Variants in SV2B observed in about 807,000 individuals in gnomAD.
SV2B encodes synaptic vesicle glycoprotein 2B.
In SV2B, 41 loss-of-function variants were observed where a neutral mutation model predicts 73.9. The ratio of observed to expected loss-of-function variants is 0.56; its 90% confidence interval spans 0.43 to 0.72. The LOEUF (loss-of-function observed/expected upper bound fraction) is 0.72, where lower values mean the gene tolerates loss of function less well. Ranked by LOEUF, SV2B falls within the 30% of genes least tolerant of loss-of-function variation. The pLI, the probability that SV2B is intolerant of heterozygous loss-of-function variation, is 0.00. For missense variants in SV2B, 764 were observed against 857.8 expected (o/e 0.89, Z 1.37); for synonymous variants, 314 against 314.2 (o/e 1.00, Z 0.01).
At chr15:91,287,924 G>A (rs563415155) in intron 11 of SV2B, among the ~76,000 whole-genome samples, 1 of 152,344 alleles carries the variant, frequency 6.6e-6, no homozygotes, top group East Asian at 1.9e-4. Context: ...GAGCCGTGGA[G>A]CAAGAGCTAC....
chr15:91,185,770 T>C (rs2044745945), intron 1 of SV2B, among the ~76,000 whole-genome samples: 2 of 152,192 alleles, frequency 1.3e-5, no homozygotes, highest in African/African-American at 4.8e-5. Flanking sequence ...GCAAGGCAGA[T>C]TGTGTGATCT....
intron 1 of SV2B, among the ~76,000 whole-genome samples, chr15:91,169,539 GT>G (rs2044045145): frequency 6.7e-6 from 1 of 149,452 alleles, no homozygotes; most frequent in Non-Finnish European, 1.5e-5. Flanking sequence ...GAAAACACCA[GT>G]TTTGCTATTC....
intron 12 of SV2B, among the ~76,000 whole-genome samples, chr15:91,291,617 T>A (rs544327994): frequency 6.6e-6 from 1 of 152,328 alleles, no homozygotes; most frequent in African/African-American, 2.4e-5. Context: ...CTCAGGTAAC[T>A]GTGGTCTTAA....
At position 91,139,519 on chromosome 15, in the gene SV2B, G is replaced by T. The variant is rs1157142164; in HGVS notation, c.-392+39156G>T. ...CCCAGAACAGAAAAGCAGGGTGAGG[G>T]CAAACACCGCTATCAATGCTGTAGT... On this transcript the variant is annotated intron_variant, in intron 1 of 12. Transcript: ENST00000394232. The surrounding 1 kb of genome is among the most constrained non-coding windows in gnomAD (Gnocchi z 5.2). Among the ~76,000 whole-genome samples, 1 of 152,112 alleles carries T rather than the reference G, an allele frequency of 6.6e-6. No homozygotes were observed. The highest frequency in any genetic ancestry group is 1.5e-5 in the Non-Finnish European group (1 of 68,030).
intron 10 of SV2B, among the ~76,000 whole-genome samples, chr15:91,282,120 C>T (rs1283676168): frequency 1.3e-5 from 2 of 152,246 alleles, no homozygotes; most frequent in Non-Finnish European, 2.9e-5. Flanking sequence ...CAAATGTCCT[C>T]ATGTCAGTGA....
In SV2B at chr15:91,132,614, A is replaced by G. The variant is rs1303135527; in HGVS notation, c.-392+32251A>G. ...TGGTCCTTTTGTTACTTAGGAGTGG[A>G]AAGTTAGGGTTTTCCTTTTGATTTA... is the stretch of plus-strand genomic sequence containing the variant. On this transcript the variant is annotated intron_variant, in intron 1 of 12. Transcript: ENST00000394232. This position sits in a 1 kb window ranked among gnomAD's most constrained non-coding sequence, Gnocchi z 4.6. Among the ~76,000 whole-genome samples, 2 of 152,184 alleles carry G rather than the reference A, an allele frequency of 1.3e-5. No individual in the cohort carries two copies. Among genetic ancestry groups the G allele is most frequent in the African/African-American group, 4.8e-5 (2 of 41,440 alleles).
In SV2B at chr15:91,240,203, A is replaced by G. The variant is rs962909462; in HGVS notation, c.452-11616A>G. Among the ~76,000 whole-genome samples the G allele has an allele frequency of 2.6e-5, 4 of 152,228 alleles. No individual in the cohort carries two copies. Among genetic ancestry groups the G allele is most frequent in the Non-Finnish European group, 5.9e-5 (4 of 68,044 alleles). On this transcript the variant is annotated intron_variant, in intron 2 of 12. Transcript: ENST00000394232. The surrounding 1 kb of genome is among the most constrained non-coding windows in gnomAD (Gnocchi z 4.6). The stretch of plus-strand genomic sequence containing the variant: ...CTGTTTGACTTCATATCTTGGCTAC[A>G]TCACTAACCCTATCATCTTACACAA...
chr15:91,140,964 C>G lies in SV2B; in HGVS notation c.-392+40601C>G, dbSNP rs1005247769. Among the ~76,000 whole-genome samples, 7 of 151,990 alleles carry G rather than the reference C, an allele frequency of 4.6e-5. No homozygotes were observed. Among genetic ancestry groups the G allele is most frequent in the African/African-American group, 1.7e-4 (7 of 41,380 alleles). On this transcript the variant is annotated intron_variant, in intron 1 of 12. Transcript: ENST00000394232. This position sits in a 1 kb window ranked among gnomAD's most constrained non-coding sequence, Gnocchi z 4.4. ...ATGAACATATGTTAACACTAAGATT[C>G]TCCACACTTCCTCCAACTTCTTTTA...
intron 1 of SV2B, among the ~76,000 whole-genome samples, chr15:91,215,830 A>G (rs190770503): frequency 1.3e-5 from 2 of 152,320 alleles, no homozygotes; most frequent in East Asian, 3.9e-4. Context: ...GTTTTGATAA[A>G]CATACTTCTC....
chr15:91,099,950 A>G (rs2151708194), upstream of SV2B: 1 of 152,440 alleles, frequency 6.6e-6, no homozygotes, highest in East Asian at 1.9e-4. Flanking sequence ...AAGAAGTTTA[A>G]TATTTATTGG....
chr15:91,187,607 T>C (rs1251780655), intron 1 of SV2B, among the ~76,000 whole-genome samples: 1 of 152,228 alleles, frequency 6.6e-6, no homozygotes, highest in African/African-American at 2.4e-5. Flanking sequence ...CAAGTGCTAC[T>C]TGATGCCTTA....
At chr15:91,120,487 C>T (rs918609462) in intron 1 of SV2B, among the ~76,000 whole-genome samples, 1 of 152,122 alleles carries the variant, frequency 6.6e-6, no homozygotes, top group Non-Finnish European at 1.5e-5. Context: ...AACCATATTA[C>T]TTTGTCTCTT....
Position 91,189,323 on chromosome 15 carries a change from C to A in SV2B, c.-391-36550C>A, listed in dbSNP as rs555369295. 2.6e-5 allele frequency among the ~76,000 whole-genome samples: 4 copies of A among 152,048 alleles called. No individual in the cohort carries two copies. In the East Asian group the frequency reaches 5.8e-4, roughly 22 times the overall value. On this transcript the variant is annotated intron_variant, in intron 1 of 12. Transcript: ENST00000394232. ...CCTTTCGTAGGCATCCATTCCAACA[C>A]GTTTAGTAAGTCCACTTATGTATAC...
At chr15:91,186,304 G>GTTTAAA (rs10654508) in intron 1 of SV2B, among the ~76,000 whole-genome samples, 56,177 of 151,726 alleles carry the variant, frequency 0.37, 10,826 homozygotes, top group East Asian at 0.71. Flanking sequence ...GAACTATACA[G>GTTTAAA]TTTATATTTT....
intron 10 of SV2B, among the ~76,000 whole-genome samples, chr15:91,282,731 C>T (rs1413657863): frequency 6.6e-6 from 1 of 152,204 alleles, no homozygotes; most frequent in African/African-American, 2.4e-5. Flanking sequence ...TTATTCTTGG[C>T]ATCAGCAGCA....
rs2048919109 is a variant in SV2B, at chr15:91,288,008, G to T, written c.1709-1513G>T. ...CCTTCTACCCCCGGGGAGGAGTTGG[G>T]GAGGGGTACTCCAGCCACCTTCCCC... On this transcript the variant is annotated intron_variant, in intron 11 of 12. Coordinates refer to ENST00000394232, the MANE Select transcript of SV2B (RefSeq NM_001323032.3). The surrounding 1 kb of genome is among the most constrained non-coding windows in gnomAD (Gnocchi z 5.8). 6.6e-6 allele frequency among the ~76,000 whole-genome samples: 1 copy of T among 152,164 alleles called. No individual in the cohort carries two copies. The highest frequency in any genetic ancestry group is 1.5e-5 in the Non-Finnish European group (1 of 68,032).
rs2042602613 is a variant in SV2B at position 91,130,276 on chromosome 15, G to A, written c.-392+29913G>A. 6.6e-6 allele frequency among the ~76,000 whole-genome samples: 1 copy of A among 152,138 alleles called. No individual in the cohort carries two copies. The highest frequency in any genetic ancestry group is 6.5e-5 in the Admixed American group (1 of 15,276). ...AGAGAGGATGGGAGGAGTGTTGGAG[G>A]AATACTGAATTCCATATTGGGCTCT... is the stretch of plus-strand genomic sequence containing the variant. On this transcript the variant is annotated intron_variant, in intron 1 of 12. Transcript: ENST00000394232. This position sits in a 1 kb window ranked among gnomAD's most constrained non-coding sequence, Gnocchi z 5.6.
At position 91,223,455 on chromosome 15, in the gene SV2B, A is replaced by C. The variant is rs541967905; in HGVS notation, c.-391-2418A>C. 8.5e-5 allele frequency among the ~76,000 whole-genome samples: 13 copies of C among 152,286 alleles called. No homozygotes were observed. The highest frequency in any genetic ancestry group is 2.9e-4 in the African/African-American group (12 of 41,554). ...AGGTGAGTGGAGTTAGTTTTGACGA[A>C]GATCCTCTTCTTTCTGCAAAGCAGC... On this transcript the variant is annotated intron_variant, in intron 1 of 12. Transcript: ENST00000394232. The surrounding 1 kb of genome is among the most constrained non-coding windows in gnomAD (Gnocchi z 4.6).
intron 4 of SV2B, among the ~76,000 whole-genome samples, chr15:91,256,010 G>A (rs946276169): frequency 1.3e-5 from 2 of 152,170 alleles, no homozygotes; most frequent in Non-Finnish European, 2.9e-5. Context: ...GGGAAGTCTT[G>A]GCACCAGGAA....
Sources: allele counts gnomAD v4.1 joint callset (sites outside exome capture counted in the v4.1 genomes callset), GRCh38; gene constraint gnomAD v4.1.1; non-coding constraint Gnocchi (gnomAD v3.1); transcripts MANE v1.5; gene names NCBI Gene and HGNC (gene_info 2026-07-23, HGNC 2026-07-21).